Variants in MGAT4A observed in about 807,000 individuals in gnomAD.
The protein encoded by MGAT4A is N-acetylglucosaminyltransferase IVa.
In MGAT4A, 33 loss-of-function variants were observed where a neutral mutation model predicts 74.1. The ratio of observed to expected loss-of-function variants is 0.45; its 90% CI spans 0.34 to 0.60. The LOEUF is 0.60. Among genes scored for constraint, MGAT4A ranks in the 20% least tolerant of loss-of-function variants. MGAT4A has a pLI of 0.02. For missense variants in MGAT4A, 479 were observed against 628.3 expected (o/e 0.76, Z 2.54); for synonymous variants, 198 against 210.4 (o/e 0.94, Z 0.51).
At chr2:98,638,713 TA>T (rs1458164164) in intron 12 of MGAT4A, among the ~76,000 whole-genome samples, 1 of 152,256 alleles carries the variant, frequency 6.6e-6, no homozygotes, top group Non-Finnish European at 1.5e-5. Context: ...TCCCAATGCT[TA>T]AAACACTTTT....
intron 4 of MGAT4A, among the ~76,000 whole-genome samples, chr2:98,667,321 G>A (rs760268301): frequency 2.6e-5 from 4 of 152,190 alleles, no homozygotes; most frequent in South Asian, 2.1e-4. Flanking sequence ...ACCTGAAAAC[G>A]TGGAAGTGAA....
intron 4 of MGAT4A, among the ~76,000 whole-genome samples, chr2:98,674,310 C>T (rs1298030467): frequency 6.6e-6 from 1 of 152,176 alleles, no homozygotes; most frequent in Non-Finnish European, 1.5e-5. Flanking sequence ...ATATTCTGCC[C>T]TCTGCATTTT....
In MGAT4A at chr2:98,655,491, C is replaced by CA; in HGVS notation, c.727dup (p.Cys243LeufsTer18). 2 of 1,611,328 alleles carry CA rather than the reference C, an allele frequency of 1.2e-6. No individual in the cohort carries two copies. Among genetic ancestry groups the CA allele is most frequent in the Non-Finnish European group, 1.7e-6 (2 of 1,178,372 alleles). On this transcript the variant is annotated frameshift_variant, in exon 8 of 16. Transcript: ENST00000393487. LOFTEE classifies it high-confidence loss of function. ...TTCTTGAGCATACATCATTAGAAAA[C>CA]AGTAATCTAGGTTTTGCTTTGTTCT... is the stretch of plus-strand genomic sequence containing the variant.
At chr2:98,706,975 G>A (rs752444714) in intron 2 of MGAT4A, among the ~76,000 whole-genome samples, 1 of 151,834 alleles carries the variant, frequency 6.6e-6, no homozygotes, top group Non-Finnish European at 1.5e-5. Context: ...CAGCACTTTG[G>A]GAGGCCAAGG....
At chr2:98,636,413 G>A (rs982420963) in intron 13 of MGAT4A, 104 bp downstream of exon 13, 68 of 876,832 alleles carry the variant, frequency 7.8e-5, no homozygotes, top group Non-Finnish European at 1.2e-4. Context: ...ATTGAGTCCT[G>A]CAAATCATGA....
chr2:98,676,927 C>A (rs1335475769), intron 3 of MGAT4A, among the ~76,000 whole-genome samples: 1 of 152,136 alleles, frequency 6.6e-6, no homozygotes, highest in Non-Finnish European at 1.5e-5. Context: ...GTTTCAACAT[C>A]AGGGTGACAT....
rs1258344824 is a variant in MGAT4A, at chr2:98,620,341, CTT to C, written c.*5223_*5224del. On this transcript the variant is annotated 3_prime_UTR_variant, in exon 16 of 16. Transcript: ENST00000393487. Reference sequence around the variant, plus strand: ...ACTGCAACATAACTTGGAAAAGTTCCTTTTCTATAAAGGGATTGGACTGGATA... The same window carrying C: ...ACTGCAACATAACTTGGAAAAGTTCCTTCTATAAAGGGATTGGACTGGATA... 1 of 152,130 alleles carries C rather than the reference CTT, an allele frequency of 6.6e-6. No individual in the cohort carries two copies. The highest frequency in any genetic ancestry group is 1.9e-4 in the East Asian group (1 of 5,204). 9.4% of individuals were successfully genotyped at this position (152,130 alleles called of 1,614,324 possible).
intron 2 of MGAT4A, among the ~76,000 whole-genome samples, chr2:98,687,816 C>T (rs550763156): frequency 3.2e-4 from 49 of 152,354 alleles, no homozygotes; most frequent in African/African-American, 1.2e-3. Context: ...CCAACACCGG[C>T]TAGTGCTTCC....
intron 2 of MGAT4A, among the ~76,000 whole-genome samples, chr2:98,723,202 CTGTACT>C (rs2104337396): frequency 6.6e-6 from 1 of 152,298 alleles, no homozygotes; most frequent in African/African-American, 2.4e-5. Context: ...CTTCTAGGAA[CTGTACT>C]TGTAAGATTC....
intron 14 of MGAT4A, among the ~76,000 whole-genome samples, chr2:98,633,263 A>C (rs1186854474): frequency 6.6e-6 from 1 of 152,216 alleles, no homozygotes; most frequent in Non-Finnish European, 1.5e-5. Flanking sequence ...CCTCCTGGGC[A>C]GATGCCACAG....
At chr2:98,722,822 T>C (rs1276695284) in intron 2 of MGAT4A, among the ~76,000 whole-genome samples, 4 of 152,154 alleles carry the variant, frequency 2.6e-5, no homozygotes, top group African/African-American at 4.8e-5. Context: ...GCAAAAATAA[T>C]ACCAGTCTCT....
At chr2:98,698,166 C>T (rs1041585261) in intron 2 of MGAT4A, among the ~76,000 whole-genome samples, 8 of 152,124 alleles carry the variant, frequency 5.3e-5, no homozygotes, top group Non-Finnish European at 1.0e-4. Flanking sequence ...AAAATTCCAG[C>T]ACTTTGGGAG....
chr2:98,705,766 A>AC (rs1702417630), intron 2 of MGAT4A, among the ~76,000 whole-genome samples: 1 of 151,502 alleles, frequency 6.6e-6, no homozygotes, highest in Non-Finnish European at 1.5e-5. Context: ...ACAAGGTGAA[A>AC]CCCCGTCTCT....
intron 2 of MGAT4A, among the ~76,000 whole-genome samples, chr2:98,706,320 G>C (rs1464747646): frequency 6.6e-6 from 1 of 152,114 alleles, no homozygotes; most frequent in African/African-American, 2.4e-5. Flanking sequence ...AATGGTAGAG[G>C]AGGGGCCACC....
chr2:98,721,611 G>A (rs892221586), intron 2 of MGAT4A, among the ~76,000 whole-genome samples: 2 of 152,068 alleles, frequency 1.3e-5, no homozygotes, highest in Non-Finnish European at 2.9e-5. Flanking sequence ...ATTAACAGAT[G>A]TAATAAGTAC....
chr2:98,656,718 G>A lies in MGAT4A; in HGVS notation c.585-253C>T, dbSNP rs1464049803. Among the ~76,000 whole-genome samples the A allele has an allele frequency of 1.3e-5, 2 of 150,928 alleles. 1 individual carries two copies. Among genetic ancestry groups the A allele is most frequent in the Non-Finnish European group, 2.9e-5 (2 of 67,864 alleles). ...ATAAAATACTGCTCTTATTAAAGTA[G>A]CATAGAAATCCTAAGCCAACTGCAG... On this transcript the variant is annotated intron_variant, in intron 6 of 15. Transcript: ENST00000393487.
chr2:98,675,160 A>C lies in MGAT4A; in HGVS notation c.278T>G (p.Leu93Arg), dbSNP rs1470623107. Residue 93 changes from leucine to arginine, a missense_variant, in exon 4 of 16, where the codon CTG (leucine) becomes CGG (arginine). By Grantham distance (102) the Leu-to-Arg change is moderately radical. Coordinates refer to ENST00000393487, the MANE Select transcript of MGAT4A (RefSeq NM_012214.3). Reference protein sequence around the residue: ...LNKFSDNTLKLLKELTSKKSL... With the variant: ...LNKFSDNTLKRLKELTSKKSL... ...TTTTTTGCTTGTTAACTCCTTTAAC[A>C]GCTTTAGGGTATTATCTGAAACACA... The C allele has an allele frequency of 1.3e-6, 2 of 1,598,522 alleles. No individual in the cohort carries two copies. Among genetic ancestry groups the C allele is most frequent in the Non-Finnish European group, 1.7e-6 (2 of 1,169,750 alleles).
At position 98,622,093 on chromosome 2, in the gene MGAT4A, C is replaced by G. The variant is rs1701070044; in HGVS notation, c.*3473G>C. Reference sequence around the variant, plus strand: ...GACTAAGATAAAGAACTTAAGAAATCTTACATCTTAGAATCCTAGAAATGG... The same window carrying G: ...GACTAAGATAAAGAACTTAAGAAATGTTACATCTTAGAATCCTAGAAATGG... On this transcript the variant is annotated 3_prime_UTR_variant, in exon 16 of 16. Transcript: ENST00000393487. 2.0e-6 allele frequency: 2 copies of G among 985,356 alleles called. No homozygotes were observed. Among genetic ancestry groups the G allele is most frequent in the South Asian group, 9.4e-5 (2 of 21,296 alleles). The allele number at this position is 985,356 out of a possible 1,614,324, so 61.0% of individuals were successfully genotyped here.
intron 2 of MGAT4A, among the ~76,000 whole-genome samples, chr2:98,683,395 G>A (rs1325064328): frequency 6.6e-6 from 1 of 152,172 alleles, no homozygotes; most frequent in African/African-American, 2.4e-5. Flanking sequence ...TTATTTAGGG[G>A]TAAAGAGGCA....
Sources: allele counts gnomAD v4.1 joint callset (sites outside exome capture counted in the v4.1 genomes callset), GRCh38; gene constraint gnomAD v4.1.1; transcripts MANE v1.5; gene names NCBI Gene and HGNC (gene_info 2026-07-23, HGNC 2026-07-21).